The following ASAP1 variants were observed in gnomAD, a reference collection of about 807,000 sequenced individuals.
The protein encoded by ASAP1 is arf-GAP with SH3 domain, ANK repeat and PH domain-containing protein 1.
A neutral mutation model predicts 145.2 loss-of-function variants in ASAP1; 43 were observed. The observed-to-expected ratio is 0.30, with a 90% CI of 0.23 to 0.38. The LOEUF (loss-of-function observed/expected upper bound fraction) is 0.38, where lower values mean the gene tolerates loss of function less well. Ranked by LOEUF, ASAP1 falls within the 10% of genes least tolerant of loss-of-function variation. The pLI is 1.00. For synonymous variants in ASAP1, 546 were observed against 515.5 expected (o/e 1.06, Z -0.80); for missense variants, 1,018 against 1,355.3 (o/e 0.75, Z 3.91).
At chr8:130,401,849 G>C in intron 2 of ASAP1, 36 bp downstream of exon 2, 1 of 1,594,246 alleles carries the variant, frequency 6.3e-7, no homozygotes, top group Non-Finnish European at 8.6e-7. Context: ...CTCCCACGCC[G>C]AGTTTTCTGG....
At chr8:130,288,920 C>T (rs1369491804) in intron 3 of ASAP1, among the ~76,000 whole-genome samples, 1 of 152,234 alleles carries the variant, frequency 6.6e-6, no homozygotes, top group Non-Finnish European at 1.5e-5. Flanking sequence ...GGCGCGGTGG[C>T]TCATGCTTGT....
intron 9 of ASAP1, among the ~76,000 whole-genome samples, chr8:130,175,381 A>T (rs538753626): frequency 1.2e-4 from 19 of 152,142 alleles, no homozygotes; most frequent in Admixed American, 1.1e-3. Flanking sequence ...CCACCACACC[A>T]GGGTAATTTT....
chr8:130,237,997 C>T (rs1360449934), intron 3 of ASAP1, among the ~76,000 whole-genome samples: 1 of 152,194 alleles, frequency 6.6e-6, no homozygotes, highest in Non-Finnish European at 1.5e-5. Flanking sequence ...CACTCACATC[C>T]ATTACATCAT....
intron 3 of ASAP1, among the ~76,000 whole-genome samples, chr8:130,333,467 G>C (rs1223856284): frequency 1.3e-5 from 2 of 152,200 alleles, no homozygotes; most frequent in Non-Finnish European, 2.9e-5. Flanking sequence ...AGCCAGGCAT[G>C]CTGGCACATG....
intron 2 of ASAP1, among the ~76,000 whole-genome samples, chr8:130,373,466 A>C (rs1385559506): frequency 6.6e-6 from 1 of 152,240 alleles, no homozygotes; most frequent in Non-Finnish European, 1.5e-5. Flanking sequence ...ACACCATTCC[A>C]CAAAAAATAA....
At chr8:130,189,340 G>A (rs549078522) in intron 5 of ASAP1, among the ~76,000 whole-genome samples, 19 of 151,700 alleles carry the variant, frequency 1.3e-4, no homozygotes, top group Non-Finnish European at 2.6e-4. Context: ...CCAGCCTCTG[G>A]TAACCATCAT....
At chr8:130,293,849 C>T (rs574772955) in intron 3 of ASAP1, among the ~76,000 whole-genome samples, 1 of 152,328 alleles carries the variant, frequency 6.6e-6, no homozygotes, top group African/African-American at 2.4e-5. Flanking sequence ...AAATCAATGA[C>T]TCACCAACAT....
In ASAP1 at chr8:130,278,767, T is replaced by C. The variant is rs553536178; in HGVS notation, c.187-41773A>G. Among the ~76,000 whole-genome samples, 4 of 152,310 alleles carry C rather than the reference T, an allele frequency of 2.6e-5. No homozygotes were observed. In the South Asian group the frequency reaches 8.3e-4, roughly 32 times the overall value. ...GGGTGAAACAGAAGAGAGGGGGAGC[T>C]GTTGTTTCTGGGCCACCCAACATCT... On this transcript the variant is annotated intron_variant, in intron 3 of 29. Transcript: ENST00000518721.
intron 4 of ASAP1, among the ~76,000 whole-genome samples, chr8:130,219,543 C>T (rs1272300613): frequency 6.6e-6 from 1 of 152,096 alleles, no homozygotes; most frequent in African/African-American, 2.4e-5. Context: ...AGAAAATGGC[C>T]CACTCACTTC....
rs905755447 is a variant in ASAP1, at chr8:130,366,886, C to CTTTTTT, written c.60-8749_60-8744dup. Among the ~76,000 whole-genome samples, 26 of 99,194 alleles carry CTTTTTT rather than the reference C, an allele frequency of 2.6e-4. 1 individual carries two copies. Among genetic ancestry groups the CTTTTTT allele is most frequent in the East Asian group, 2.0e-3 (7 of 3,586 alleles). The allele number at this position is 99,194 out of a possible 152,430, so 65.1% of individuals were successfully genotyped here. ...TCTAAACAGGTACTATGCTAGATTCCTTTTTTTTTTTTTTTTTTTTTTGAG... is the reference window on the plus strand; with the variant it reads ...TCTAAACAGGTACTATGCTAGATTCCTTTTTTTTTTTTTTTTTTTTTTTTTTTTGAG... On this transcript the variant is annotated intron_variant, in intron 2 of 29. Transcript: ENST00000518721.
Position 130,097,556 on chromosome 8 carries a change from G to A in ASAP1, c.2402-5413C>T, listed in dbSNP as rs572388448. Among the ~76,000 whole-genome samples the A allele has an allele frequency of 1.2e-4, 19 of 152,314 alleles. No individual in the cohort carries two copies. The East Asian group carries it at 2.9e-3, about 23-fold the overall frequency. On this transcript the variant is annotated intron_variant, in intron 24 of 29. Coordinates refer to ENST00000518721, the MANE Select transcript of ASAP1 (RefSeq NM_018482.4). Reference sequence around the variant, plus strand: ...CTGCCAGAGCACCTCAACGTCCTTAGCCTCGGGGATGCCTCTGTCTGAGGT... The same window carrying A: ...CTGCCAGAGCACCTCAACGTCCTTAACCTCGGGGATGCCTCTGTCTGAGGT...
chr8:130,418,012 G>A (rs183572356), intron 1 of ASAP1, among the ~76,000 whole-genome samples: 85 of 152,298 alleles, frequency 5.6e-4, no homozygotes, highest in African/African-American at 2.0e-3. Flanking sequence ...CACGGGGAGC[G>A]GGTCAGCTCC....
intron 3 of ASAP1, among the ~76,000 whole-genome samples, chr8:130,256,761 A>ATATATATATATCCT (rs1192219754): frequency 3.1e-5 from 3 of 98,130 alleles, no homozygotes; most frequent in South Asian, 9.5e-4. Context: ...ATATATATAT[A>ATATATATATATCCT]TATATATATA....
At chr8:130,234,076 T>C (rs1205374901) in intron 4 of ASAP1, among the ~76,000 whole-genome samples, 1 of 152,166 alleles carries the variant, frequency 6.6e-6, no homozygotes, top group Non-Finnish European at 1.5e-5. Flanking sequence ...CAGGTGATCC[T>C]AATCAACAAA....
Position 130,373,111 on chromosome 8 carries a change from TACACAC to T in ASAP1, c.60-14974_60-14969del, listed in dbSNP as rs367719682. On this transcript the variant is annotated intron_variant, in intron 2 of 29. Transcript: ENST00000518721. ...CCCCCCACACACACAGAAATACATATACACACACACACACACACACACACACACACA... is the reference window on the plus strand; with the variant it reads ...CCCCCCACACACACAGAAATACATATACACACACACACACACACACACACA... Among the ~76,000 whole-genome samples, 79 of 94,108 alleles carry T rather than the reference TACACAC, an allele frequency of 8.4e-4. 1 individual carries two copies. The East Asian group carries it at 9.1e-3, about 11-fold the overall frequency. 61.7% of individuals were successfully genotyped at this position (94,108 alleles called of 152,430 possible). A position where few individuals can be genotyped will look rare whatever the true frequency, so the allele number is the denominator to read the frequency against.
intron 4 of ASAP1, among the ~76,000 whole-genome samples, chr8:130,236,301 A>AT (rs1818211081): frequency 6.6e-6 from 1 of 151,288 alleles, no homozygotes; most frequent in African/African-American, 2.4e-5. Flanking sequence ...GGAGCCTACC[A>AT]TTTTTTGTGG....
At chr8:130,304,851 A>G (rs1822895623) in intron 3 of ASAP1, among the ~76,000 whole-genome samples, 1 of 152,240 alleles carries the variant, frequency 6.6e-6, no homozygotes. Flanking sequence ...ATTACAAAAC[A>G]AAACAAACAA....
intron 27 of ASAP1, among the ~76,000 whole-genome samples, chr8:130,066,254 T>C (rs968426286): frequency 3.9e-5 from 6 of 152,208 alleles, no homozygotes; most frequent in African/African-American, 1.4e-4. Context: ...GGATTTGAAA[T>C]TAATTAGGGG....
intron 11 of ASAP1, among the ~76,000 whole-genome samples, chr8:130,161,170 G>A (rs1258776835): frequency 6.6e-6 from 1 of 151,778 alleles, no homozygotes; most frequent in Non-Finnish European, 1.5e-5. Context: ...GAAAATCTAG[G>A]AATAGCCACA....
Sources: gnomAD v4.1 joint callset for allele counts (sites outside exome capture counted in the v4.1 genomes callset) on GRCh38, gnomAD v4.1.1 for gene constraint, MANE v1.5 for transcripts, NCBI Gene and HGNC (gene_info 2026-07-23, HGNC 2026-07-21) for gene names.